PSME3IP1: variants seen among roughly 807,000 people sequenced by gnomAD.
PSME3IP1 encodes PSME3-interacting protein.
A neutral mutation model predicts 34.1 loss-of-function variants in PSME3IP1; 13 were observed. That is an observed-to-expected ratio of 0.38 (90% confidence interval 0.25 to 0.61). The LOEUF is 0.61. Among genes scored for constraint, PSME3IP1 ranks in the 20% least tolerant of loss-of-function variants. The probability of loss-of-function intolerance (pLI) is 0.60; values close to 1 mark genes in which losing one functional copy is unlikely to be tolerated. For synonymous variants in PSME3IP1, 93 were observed against 114.3 expected (o/e 0.81, Z 1.19); for missense variants, 237 against 301.4 (o/e 0.79, Z 1.58).
chr16:57,185,905 AG>A lies in PSME3IP1; in HGVS notation c.-101del. On this transcript the variant is annotated 5_prime_UTR_variant, in exon 1 of 7. Coordinates refer to ENST00000309137, the MANE Select transcript of PSME3IP1 (RefSeq NM_024946.4). ...CCGCAGAGCCGCTCGCTCTTAAAAA[AG>A]AAAAAAAAATGAAAGGAAGAAAGAA... 2 of 985,312 alleles carry A rather than the reference AG, an allele frequency of 2.0e-6. No individual in the cohort carries two copies. Among genetic ancestry groups the A allele is most frequent in the Non-Finnish European group, 2.4e-6 (2 of 829,952 alleles). The allele number at this position is 985,312 out of a possible 1,614,324, so 61.0% of individuals were successfully genotyped here. A position where few individuals can be genotyped will look rare whatever the true frequency, so the allele number is the denominator to read the frequency against.
rs1275491750 is a variant in PSME3IP1, at chr16:57,154,297, G to A, written c.758C>T (p.Ala253Val). The A allele has an allele frequency of 2.5e-6, 4 of 1,613,876 alleles. No homozygotes were observed. The East Asian group carries it at 8.9e-5, about 36-fold the overall frequency. The change falls in exon 7 of 7, where the codon GCC (alanine) becomes GTC (valine). Residue 253 changes from alanine (A) to valine (V), a missense_variant. Physicochemically the swap from Ala to Val is moderately conservative, Grantham distance 64 (BLOSUM62 0). Transcript: ENST00000309137. This position sits in a 1 kb window ranked among gnomAD's most constrained non-coding sequence, Gnocchi z 4.0. ...TGTGTAGGGACGGAGAAACTAGGGG[G>A]CCTCGAGGAAGGTGTTGGTTCGGAA... ...SIFRTNTFLE[A>V]P
At chr16:57,185,355 CG>C (rs2074077607) in intron 1 of PSME3IP1, among the ~76,000 whole-genome samples, 1 of 152,188 alleles carries the variant, frequency 6.6e-6, no homozygotes, top group Non-Finnish European at 1.5e-5. Context: ...GCTTGTTTTC[CG>C]TAATAGAAAA....
intron 6 of PSME3IP1, among the ~76,000 whole-genome samples, chr16:57,161,236 A>T (rs2071186328): frequency 6.6e-6 from 1 of 152,172 alleles, no homozygotes. Flanking sequence ...AAGTTGGAAG[A>T]CTCACACTTC....
intron 6 of PSME3IP1, among the ~76,000 whole-genome samples, chr16:57,158,834 A>G (rs1193309640): frequency 2.0e-5 from 3 of 152,244 alleles, no homozygotes; most frequent in Non-Finnish European, 4.4e-5. Context: ...CACATGGTAT[A>G]TAGCCTATTG....
At chr16:57,184,971 G>A (rs1294682162) in intron 1 of PSME3IP1, among the ~76,000 whole-genome samples, 3 of 152,108 alleles carry the variant, frequency 2.0e-5, no homozygotes, top group Non-Finnish European at 2.9e-5. Context: ...ATTTCAGAAG[G>A]GTGCCTTCCA....
chr16:57,155,980 C>T (rs1264557316), intron 6 of PSME3IP1, among the ~76,000 whole-genome samples: 1 of 151,974 alleles, frequency 6.6e-6, no homozygotes, highest in Non-Finnish European at 1.5e-5. Flanking sequence ...AAAAAACAAA[C>T]ACACAAACAA....
chr16:57,158,183 GAACAT>G (rs1159490633), intron 6 of PSME3IP1, among the ~76,000 whole-genome samples: 4 of 152,296 alleles, frequency 2.6e-5, no homozygotes, highest in African/African-American at 9.6e-5. Flanking sequence ...TTAACATTTG[GAACAT>G]AACATCAAAC....
intron 1 of PSME3IP1, among the ~76,000 whole-genome samples, chr16:57,177,130 C>T (rs1255928230): frequency 6.6e-6 from 1 of 152,056 alleles, no homozygotes; most frequent in Non-Finnish European, 1.5e-5. Flanking sequence ...GTTGGGATTA[C>T]AGGTGTGAGC....
chr16:57,154,421 G>A lies in PSME3IP1; in HGVS notation c.634C>T (p.Leu212Phe). 6.2e-7 allele frequency: 1 copy of A among 1,614,132 alleles called. No individual in the cohort carries two copies. The highest frequency in any genetic ancestry group is 8.5e-7 in the Non-Finnish European group (1 of 1,180,020). ...CCAGAGTAGGCACCCAGGCCTGGGAGGATGCCGATACATACTGCAGCAGAG... is the reference window on the plus strand; with the variant it reads ...CCAGAGTAGGCACCCAGGCCTGGGAAGATGCCGATACATACTGCAGCAGAG... ...CPSAAVCIGI[L>F]PGLGAYSGSS... The change falls in exon 7 of 7, where the codon CTC becomes TTC. Residue 212 changes from leucine (L) to phenylalanine (F), a missense_variant. Transcript: ENST00000309137. This position sits in a 1 kb window ranked among gnomAD's most constrained non-coding sequence, Gnocchi z 4.0.
Position 57,173,709 on chromosome 16 carries a change from A to G in PSME3IP1, c.127+19T>C. 3 of 1,613,110 alleles carry G rather than the reference A, an allele frequency of 1.9e-6. No homozygotes were observed. In the South Asian group the frequency reaches 3.3e-5, roughly 18 times the overall value. On this transcript the variant is annotated intron_variant, in intron 2 of 6. Transcript: ENST00000309137. ...TGCTGTGTGGATTAAAGACCATTAT[A>G]CTGACTGTCACAGTATACCTTCTGG...
intron 1 of PSME3IP1, among the ~76,000 whole-genome samples, chr16:57,182,551 T>TAAAAAAAAA (rs10717048): frequency 3.1e-4 from 24 of 76,752 alleles, no homozygotes; most frequent in African/African-American, 4.8e-4. Context: ...CCATTTCCCT[T>TAAAAAAAAA]AAAAAAAAAA....
At chr16:57,177,016 G>A (rs199720460) in intron 1 of PSME3IP1, among the ~76,000 whole-genome samples, 8 of 151,984 alleles carry the variant, frequency 5.3e-5, no homozygotes, top group Admixed American at 2.6e-4. Context: ...TACCATGCCC[G>A]GCTAATTTTT....
chr16:57,180,725 G>A (rs1314752278), intron 1 of PSME3IP1, among the ~76,000 whole-genome samples: 1 of 152,100 alleles, frequency 6.6e-6, no homozygotes, highest in African/African-American at 2.4e-5. Context: ...GCAAGATGGT[G>A]AGACCCCAAC....
intron 4 of PSME3IP1, 68 bp from the exon 5 acceptor site, chr16:57,167,294 G>A (rs781600330): frequency 2.7e-5 from 42 of 1,573,364 alleles, no homozygotes; most frequent in Admixed American, 6.7e-5. Context: ...CTAGCCCTTC[G>A]GCTGTGCGAT....
Position 57,172,771 on chromosome 16 carries a change from C to T in PSME3IP1, c.226+5G>A. The T allele has an allele frequency of 6.2e-7, 1 of 1,605,480 alleles. No homozygotes were observed. The highest frequency in any genetic ancestry group is 8.5e-7 in the Non-Finnish European group (1 of 1,172,274). Reference sequence around the variant, plus strand: ...CCCTTGAACTCTCTGTTTTCTGAAGCTTACTGAATTTGAACTGTTCCTCGT... The same window carrying T: ...CCCTTGAACTCTCTGTTTTCTGAAGTTTACTGAATTTGAACTGTTCCTCGT... On this transcript the variant is annotated splice_donor_5th_base_variant and intron_variant, in intron 3 of 6. Transcript: ENST00000309137.
At chr16:57,171,910 T>C (rs974229219) in intron 4 of PSME3IP1, among the ~76,000 whole-genome samples, 3 of 152,194 alleles carry the variant, frequency 2.0e-5, no homozygotes, top group Non-Finnish European at 2.9e-5. Context: ...TATAGGAAAG[T>C]TGCTAAACAT....
At position 57,154,269 on chromosome 16, in the gene PSME3IP1, C is replaced by T. The variant is rs753104012; in HGVS notation, c.*21G>A. The T allele has an allele frequency of 1.2e-6, 2 of 1,611,280 alleles. No homozygotes were observed. The highest frequency in any genetic ancestry group is 1.7e-6 in the Non-Finnish European group (2 of 1,177,914). On this transcript the variant is annotated 3_prime_UTR_variant, in exon 7 of 7. Transcript: ENST00000309137. The surrounding 1 kb of genome is among the most constrained non-coding windows in gnomAD (Gnocchi z 4.0). ...TCCGATCTACCCTTGGGGAGGAGCTCCCTGTGTAGGGACGGAGAAACTAGG... is the reference window on the plus strand; with the variant it reads ...TCCGATCTACCCTTGGGGAGGAGCTTCCTGTGTAGGGACGGAGAAACTAGG...
intron 6 of PSME3IP1, among the ~76,000 whole-genome samples, chr16:57,161,572 C>T (rs566615822): frequency 8.4e-5 from 12 of 142,872 alleles, no homozygotes; most frequent in African/African-American, 3.2e-4. Flanking sequence ...AGTGCAGTGG[C>T]GTGATCTCTG....
intron 6 of PSME3IP1, among the ~76,000 whole-genome samples, chr16:57,158,780 A>C (rs1597583971): frequency 6.6e-6 from 1 of 152,298 alleles, no homozygotes; most frequent in East Asian, 1.9e-4. Flanking sequence ...ACATCATAGA[A>C]TACTTATACA....
Sources: allele counts gnomAD v4.1 joint callset (sites outside exome capture counted in the v4.1 genomes callset), GRCh38; gene constraint gnomAD v4.1.1; non-coding constraint Gnocchi (gnomAD v3.1); transcripts MANE v1.5; gene names NCBI Gene and HGNC (gene_info 2026-07-23, HGNC 2026-07-21).